Variants in CPS1 observed in about 807,000 individuals in gnomAD.
The protein encoded by CPS1 is carbamoyl-phosphate synthase [ammonia], mitochondrial.
A neutral mutation model predicts 174.6 loss-of-function variants in CPS1; 109 were observed. The ratio of observed to expected loss-of-function variants is 0.62; its 90% CI spans 0.53 to 0.73. CPS1 has a LOEUF of 0.73. CPS1 is among the 30% of genes least tolerant of loss of function. CPS1 has a pLI of 0.00. For synonymous variants in CPS1, 637 were observed against 632.0 expected, an observed-to-expected ratio of 1.01 and a Z score of -0.12; for missense variants, 1,689 against 1,821.9, an observed-to-expected ratio of 0.93 and a Z score of 1.33.
At chr2:210,622,442 G>A (rs1273194508) in intron 21 of CPS1, among the ~76,000 whole-genome samples, 1 of 151,556 alleles carries the variant, frequency 6.6e-6, no homozygotes, top group East Asian at 1.9e-4. Flanking sequence ...TTTGTTTAGA[G>A]GTGTAGATAA....
chr2:210,608,329 G>GA lies in CPS1; in HGVS notation c.2193-23dup, dbSNP rs746572449. 707 of 1,566,086 alleles carry GA rather than the reference G, an allele frequency of 4.5e-4. 1 individual carries two copies. Among genetic ancestry groups the GA allele is most frequent in the African/African-American group, 2.8e-3 (209 of 73,790 alleles). ...GGTCTGTTTTCAATAATTGCTCGAA[G>GA]AAAAAAAAATAAATTTGTCTTCTTT... is the stretch of plus-strand genomic sequence containing the variant. On this transcript the variant is annotated intron_variant, in intron 18 of 37. Transcript: ENST00000233072.
rs112805372 is a variant in CPS1, at chr2:210,478,174, A to T, written c.3+408A>T. On this transcript the variant is annotated intron_variant, in intron 1 of 38. Coordinates refer to the CPS1 transcript ENST00000430249. ...CCCCAATGTTGTTAGATTGCTTTCC[A>T]AAACTGCTGGACTAGTTTATATTCC... 3.8e-3 allele frequency among the ~76,000 whole-genome samples: 584 copies of T among 152,340 alleles called. 1 individual carries two copies. Among genetic ancestry groups the T allele is most frequent in the Non-Finnish European group, 6.1e-3 (417 of 68,026 alleles).
At chr2:210,675,316 T>C (rs969910554) in intron 35 of CPS1, among the ~76,000 whole-genome samples, 3 of 152,186 alleles carry the variant, frequency 2.0e-5, no homozygotes, top group African/African-American at 7.2e-5. Flanking sequence ...TTGCAGTGAA[T>C]ACCTCCACAC....
chr2:210,579,546 C>T (rs1046780276), intron 4 of CPS1, among the ~76,000 whole-genome samples, 168 bp from the exon 5 acceptor site: 10 of 152,050 alleles, frequency 6.6e-5, no homozygotes, highest in Non-Finnish European at 1.2e-4. Flanking sequence ...ACTGTAGCAA[C>T]AATTTACTGT....
intron 16 of CPS1, among the ~76,000 whole-genome samples, chr2:210,604,738 A>G (rs917422253): frequency 4.6e-5 from 7 of 151,842 alleles, no homozygotes; most frequent in African/African-American, 1.2e-4. Context: ...TTATTTTTCC[A>G]TATTTATTCA....
In CPS1 at chr2:210,677,089, C is replaced by T. The variant is rs933813349; in HGVS notation, c.4357C>T (p.Arg1453Trp). 7 of 1,613,432 alleles carry T rather than the reference C, an allele frequency of 4.3e-6. No individual in the cohort carries two copies. Among genetic ancestry groups the T allele is most frequent in the Middle Eastern group, 1.6e-4 (1 of 6,080 alleles). ...ATTTGTCCATGATAATTATGTGATT[C>T]GGAGGACAGCTGTTGATAGTGGAAT... ...TKFVHDNYVI[R>W]RTAVDSGIPL... Residue 1453 changes from arginine to tryptophan, a missense_variant, in exon 37 of 38, where the codon CGG becomes TGG. By Grantham distance (101) the Arg-to-Trp change is moderately radical. Transcript: ENST00000233072.
Position 210,579,732 on chromosome 2 carries a change from G to T in CPS1, c.490G>T (p.Val164Leu). 2 of 1,613,208 alleles carry T rather than the reference G, an allele frequency of 1.2e-6. No homozygotes were observed. The highest frequency in any genetic ancestry group is 1.7e-6 in the Non-Finnish European group (2 of 1,179,632). Residue 164 changes from valine (V) to leucine (L), a missense_variant, in exon 5 of 38, where the codon GTG becomes TTG. Transcript: ENST00000233072. Reference protein sequence around the residue: ...QEEKVPAIYGVDTRMLTKIIR... With the variant: ...QEEKVPAIYGLDTRMLTKIIR... ...CTTATAGGTTCCTGCAATTTATGGA[G>T]TGGACACAAGAATGCTGACTAAAAT...
intron 23 of CPS1, among the ~76,000 whole-genome samples, chr2:210,639,489 G>A (rs1700143680): frequency 6.6e-6 from 1 of 151,184 alleles, no homozygotes; most frequent in African/African-American, 2.4e-5. Flanking sequence ...GCGGGCGCCT[G>A]TAGTCCCAGC....
rs1559142933 is a variant in CPS1 at position 210,678,358 on chromosome 2, T to A, written c.*373T>A. 3.4e-6 allele frequency: 1 copy of A among 294,840 alleles called. No homozygotes were observed. Among genetic ancestry groups the A allele is most frequent in the Non-Finnish European group, 6.5e-6 (1 of 153,154 alleles). The allele number at this position is 294,840 out of a possible 1,614,324, so 18.3% of individuals were successfully genotyped here. A position where few individuals can be genotyped will look rare whatever the true frequency, so the allele number is the denominator to read the frequency against. The stretch of plus-strand genomic sequence containing the variant: ...TCTATACTTTAAGATACTCTATTTT[T>A]AAAACACTATCTGCAAACTCAGGAC... On this transcript the variant is annotated 3_prime_UTR_variant, in exon 38 of 38. Coordinates refer to ENST00000233072, the MANE Select transcript of CPS1 (RefSeq NM_001875.5).
Position 210,648,501 on chromosome 2 carries a change from T to G in CPS1, c.3365T>G (p.Val1122Gly), listed in dbSNP as rs769535566. The G allele has an allele frequency of 5.6e-6, 9 of 1,613,654 alleles. No homozygotes were observed. In the Middle Eastern group the frequency reaches 1.2e-3, roughly 207 times the overall value. The change falls in exon 27 of 38, where the codon GTG (valine) becomes GGG (glycine). Residue 1122 changes from valine (V) to glycine (G), a missense_variant. Val to Gly is a moderately radical substitution (Grantham distance 109). Coordinates refer to ENST00000233072, the MANE Select transcript of CPS1 (RefSeq NM_001875.5). ...LNEALEFAKS[V>G]DYPCLLRPSY... ...GAAGCACTGGAATTTGCAAAGTCTG[T>G]GGACTACCCCTGCTTGTTGAGGCCT...
chr2:210,640,632 T>C (rs916414226), intron 24 of CPS1, among the ~76,000 whole-genome samples: 21 of 152,350 alleles, frequency 1.4e-4, no homozygotes, highest in Admixed American at 9.8e-4. Flanking sequence ...TGCAAGTATG[T>C]ATTTTAATGG....
At chr2:210,583,266 A>AT (rs1697989961) in intron 6 of CPS1, among the ~76,000 whole-genome samples, 1 of 152,186 alleles carries the variant, frequency 6.6e-6, no homozygotes, top group Non-Finnish European at 1.5e-5. Context: ...TAAAGAATAC[A>AT]TTTTAGAAAG....
chr2:210,557,157 T>G (rs781230376), intron 1 of CPS1, among the ~76,000 whole-genome samples: 1 of 152,066 alleles, frequency 6.6e-6, no homozygotes, highest in Non-Finnish European at 1.5e-5. Context: ...TAGCTTTCTG[T>G]GACTAGATAC....
At chr2:210,589,688 C>A (rs1179415891) in intron 7 of CPS1, among the ~76,000 whole-genome samples, 1 of 151,886 alleles carries the variant, frequency 6.6e-6, no homozygotes, top group African/African-American at 2.4e-5. Context: ...GAGACAGGGT[C>A]TTACTTTGTT....
chr2:210,502,402 T>A (rs939124701), intron 1 of CPS1, among the ~76,000 whole-genome samples: 17 of 146,410 alleles, frequency 1.2e-4, no homozygotes, highest in South Asian at 4.2e-4. Flanking sequence ...TATGTATATT[T>A]TATATATATA....
chr2:210,554,166 C>CACACACATAT (rs1559073418), upstream of CPS1, among the ~76,000 whole-genome samples: 49 of 120,020 alleles, frequency 4.1e-4, 4 homozygotes, highest in Admixed American at 7.6e-4. Flanking sequence ...CACACATATA[C>CACACACATAT]ATATGTATGT....
At chr2:210,656,850 C>CA (rs1700724065) in intron 30 of CPS1, among the ~76,000 whole-genome samples, 1 of 152,028 alleles carries the variant, frequency 6.6e-6, no homozygotes, top group Admixed American at 6.5e-5. Context: ...TATGCGAGTA[C>CA]AGGGGTTCTC....
chr2:210,650,322 A>C, intron 27 of CPS1, 41 bp from the exon 28 acceptor site: 1 of 1,511,714 alleles, frequency 6.6e-7, no homozygotes, highest in South Asian at 1.1e-5. Context: ...GTCTAGTATT[A>C]GCATAAACCT....
chr2:210,678,293 T>A lies in CPS1; in HGVS notation c.*308T>A. 2.4e-6 allele frequency: 1 copy of A among 409,186 alleles called. No homozygotes were observed. The highest frequency in any genetic ancestry group is 2.2e-5 in the South Asian group (1 of 44,748). 25.3% of individuals were successfully genotyped at this position (409,186 alleles called of 1,614,324 possible). ...TTTTTATGGTGCTGATTAATGGTGA[T>A]CAAGGTAGGAAAAGTTGCTGTTCTA... On this transcript the variant is annotated 3_prime_UTR_variant, in exon 38 of 38. Coordinates refer to ENST00000233072, the MANE Select transcript of CPS1 (RefSeq NM_001875.5).
Sources: gnomAD v4.1 joint callset for allele counts (sites outside exome capture counted in the v4.1 genomes callset) on GRCh38, gnomAD v4.1.1 for gene constraint, MANE v1.5 for transcripts, NCBI Gene and HGNC (gene_info 2026-07-23, HGNC 2026-07-21) for gene names.